The following KLF17 variants were observed in gnomAD, a reference collection of about 807,000 sequenced individuals.
KLF17 encodes Krueppel-like factor 17.
Under a neutral mutation model 34.2 loss-of-function variants are expected in KLF17, and 31 were observed. That is an observed-to-expected ratio of 0.91 (90% CI 0.68 to 1.22). The LOEUF is 1.22. Ranked by LOEUF, KLF17 falls within the 50% of genes most tolerant of loss-of-function variation. The probability of loss-of-function intolerance (pLI) is 0.00; values close to 1 mark genes in which losing one functional copy is unlikely to be tolerated. For missense variants in KLF17, 478 were observed against 505.2 expected (o/e 0.95, Z 0.52); for synonymous variants, 179 against 186.7 (o/e 0.96, Z 0.34).
chr1:44,127,974 T>C (rs2088047784), intron 1 of KLF17, among the ~76,000 whole-genome samples: 1 of 152,012 alleles, frequency 6.6e-6, no homozygotes. Flanking sequence ...GAATGGATTG[T>C]TCTTTTCTGG....
At chr1:44,115,577 T>C (rs543554725), upstream of KLF17, 2 of 152,202 alleles carry the variant, frequency 1.3e-5, no homozygotes, top group East Asian at 3.9e-4. Context: ...TGAAATATGT[T>C]ACTGAATTTG....
At position 44,130,071 on chromosome 1, in the gene KLF17, G is replaced by A. The variant is rs144379257; in HGVS notation, c.800G>A (p.Arg267Lys). Reference protein sequence around the residue: ...PAPQTVEKNSRPQEGTGRRGS... With the variant: ...PAPQTVEKNSKPQEGTGRRGS... ...CCACAGACAGTAGAGAAGAACTCCAGGCCTCAGGAAGGGACTGGTAGAAGG... is the reference window on the plus strand; with the variant it reads ...CCACAGACAGTAGAGAAGAACTCCAAGCCTCAGGAAGGGACTGGTAGAAGG... Residue 267 changes from arginine (R) to lysine (K), a missense_variant, in exon 2 of 4, where the codon AGG becomes AAG. Physicochemically the swap from Arg to Lys is conservative, Grantham distance 26. Coordinates refer to ENST00000372299, the MANE Select transcript of KLF17 (RefSeq NM_173484.4). The A allele has an allele frequency of 2.8e-4, 458 of 1,614,232 alleles. No homozygotes were observed. The Middle Eastern group carries it at 3.3e-3, about 12-fold the overall frequency.
chr1:44,073,527 GGATATGGTAAATAACAGCA>G, the KLF17 span, among the ~76,000 whole-genome samples: 478 of 152,080 alleles, frequency 3.1e-3, 1 homozygote, highest in African/African-American at 0.011. Context: ...TTTTTTTCAA[GGATATGGTAAATAACAGCA>G]GATTATTTCT....
intron 1 of KLF17, among the ~76,000 whole-genome samples, chr1:44,120,359 A>C (rs2087932387): frequency 6.6e-6 from 1 of 152,240 alleles, no homozygotes; most frequent in Non-Finnish European, 1.5e-5. Flanking sequence ...AAGCTTGCCC[A>C]GAGAGAGCAG....
the KLF17 span, among the ~76,000 whole-genome samples, chr1:44,096,300 T>C: frequency 5.8e-4 from 88 of 152,208 alleles, no homozygotes; most frequent in Non-Finnish European, 1.2e-3. Flanking sequence ...CAAGGATAAT[T>C]TTACTTCTTC....
the KLF17 span, among the ~76,000 whole-genome samples, chr1:44,074,023 A>G: frequency 2.6e-5 from 4 of 152,192 alleles, 2 homozygotes; most frequent in Middle Eastern, 0.014. Flanking sequence ...CCCCAACAAT[A>G]TTTGAGAAAG....
the KLF17 span, among the ~76,000 whole-genome samples, chr1:44,107,954 T>G: frequency 6.6e-6 from 1 of 152,312 alleles, no homozygotes; most frequent in South Asian, 2.1e-4. Context: ...TCCCCTTGGA[T>G]AAGAGAGGAC....
the KLF17 span, chr1:44,104,022 C>T: frequency 1.2e-6 from 1 of 863,820 alleles, no homozygotes; most frequent in African/African-American, 1.6e-5. Context: ...CATGGAGCGG[C>T]TGTTGTCCAT....
At chr1:44,090,878 C>T in the KLF17 span, among the ~76,000 whole-genome samples, 1 of 151,940 alleles carries the variant, frequency 6.6e-6, no homozygotes, top group Admixed American at 6.6e-5. Context: ...TAACACAAAA[C>T]AGAACCCAAA....
intron 1 of KLF17, among the ~76,000 whole-genome samples, chr1:44,119,447 A>G (rs2087921966): frequency 6.6e-6 from 1 of 152,010 alleles, no homozygotes; most frequent in Non-Finnish European, 1.5e-5. Context: ...GAGCCCTACT[A>G]AGTGGTAGGC....
the KLF17 span, among the ~76,000 whole-genome samples, chr1:44,054,216 A>C: frequency 1.1e-3 from 167 of 152,298 alleles, 2 homozygotes; most frequent in African/African-American, 3.9e-3. Context: ...CATCAGGAGG[A>C]AGCTACAAAA....
At chr1:44,100,042 C>T in the KLF17 span, among the ~76,000 whole-genome samples, 798 of 150,248 alleles carry the variant, frequency 5.3e-3, 12 homozygotes, top group African/African-American at 0.019. Context: ...TCGAGACCAG[C>T]CTGGCCAACA....
At chr1:44,077,839 TA>T in the KLF17 span, among the ~76,000 whole-genome samples, 1 of 152,220 alleles carries the variant, frequency 6.6e-6, no homozygotes, top group African/African-American at 2.4e-5. Context: ...CTGTTGGTTA[TA>T]AGTGAATCTC....
intron 1 of KLF17, among the ~76,000 whole-genome samples, chr1:44,128,820 T>C (rs910503863): frequency 6.6e-6 from 1 of 152,048 alleles, no homozygotes; most frequent in African/African-American, 2.4e-5. Context: ...CAAGACCAGC[T>C]TGACCAACAT....
intron 1 of KLF17, chr1:44,122,319 A>G: frequency 6.3e-7 from 1 of 1,595,458 alleles, no homozygotes; most frequent in Non-Finnish European, 8.6e-7. Context: ...AAAATACCGA[A>G]TGTTATTTCC....
chr1:44,068,779 G>A, the KLF17 span, among the ~76,000 whole-genome samples: 1 of 152,196 alleles, frequency 6.6e-6, no homozygotes, highest in Admixed American at 6.5e-5. Context: ...CTTGTGGAGA[G>A]TTTAGACACT....
chr1:44,047,499 G>A, the KLF17 span, among the ~76,000 whole-genome samples: 3 of 152,170 alleles, frequency 2.0e-5, no homozygotes, highest in African/African-American at 4.8e-5. Flanking sequence ...AAATGCTTGA[G>A]GTTTGGTTGA....
the KLF17 span, among the ~76,000 whole-genome samples, chr1:44,109,251 G>C: frequency 1.3e-5 from 2 of 152,312 alleles, no homozygotes; most frequent in South Asian, 4.1e-4. Flanking sequence ...TTAAATTAAA[G>C]GGGCTTTGTC....
chr1:44,129,817 C>T lies in KLF17; in HGVS notation c.546C>T (p.Leu182=). 1 of 1,614,222 alleles carries T rather than the reference C, an allele frequency of 6.2e-7. No homozygotes were observed. Among genetic ancestry groups the T allele is most frequent in the Non-Finnish European group, 8.5e-7 (1 of 1,180,044 alleles). ...ACCCTCCAGTGCCTTACCCTGGCCTCTCGACAGTACCTTCTGACGAAACAT... is the reference window on the plus strand; with the variant it reads ...ACCCTCCAGTGCCTTACCCTGGCCTTTCGACAGTACCTTCTGACGAAACAT... ...TGNPPVPYPG[L]STVPSDETLL... Residue 182 remains leucine (L), a synonymous_variant, in exon 2 of 4, where the codon CTC becomes CTT. Coordinates refer to ENST00000372299, the MANE Select transcript of KLF17 (RefSeq NM_173484.4).
Sources: allele counts gnomAD v4.1 joint callset (sites outside exome capture counted in the v4.1 genomes callset), GRCh38; gene constraint gnomAD v4.1.1; transcripts MANE v1.5; gene names NCBI Gene and HGNC (gene_info 2026-07-23, HGNC 2026-07-21).